MAGI1: variants seen among roughly 807,000 people sequenced by gnomAD.
MAGI1 encodes the protein membrane associated guanylate kinase, WW and PDZ domain containing 1.
MAGI1 carries 58 observed loss-of-function variants against 139.9 expected under a neutral mutation model. The observed-to-expected ratio is 0.41, with a 90% CI of 0.34 to 0.52. The LOEUF is 0.52. Ranked by LOEUF, MAGI1 falls within the 20% of genes least tolerant of loss-of-function variation. The probability of loss-of-function intolerance (pLI) is 0.12; values close to 1 mark genes in which losing one functional copy is unlikely to be tolerated. For synonymous variants in MAGI1, 812 were observed against 737.9 expected, an observed-to-expected ratio of 1.10 and a Z score of -1.63; for missense variants, 1,874 against 1,901.6, an observed-to-expected ratio of 0.99 and a Z score of 0.27.
intron 21 of MAGI1, among the ~76,000 whole-genome samples, chr3:65,362,768 T>C (rs531135114): frequency 6.6e-6 from 1 of 152,354 alleles, no homozygotes; most frequent in African/African-American, 2.4e-5. Flanking sequence ...TAAATGGCTC[T>C]CCATGGGCAA....
chr3:65,709,728 G>A (rs919935566), intron 1 of MAGI1, among the ~76,000 whole-genome samples: 45 of 152,294 alleles, frequency 3.0e-4, no homozygotes, highest in African/African-American at 1.0e-3. Flanking sequence ...AATATGAGAA[G>A]AGTGCTCATT....
intron 2 of MAGI1, among the ~76,000 whole-genome samples, chr3:65,552,261 T>G (rs760671256): frequency 6.7e-4 from 47 of 70,518 alleles, no homozygotes; most frequent in African/African-American, 2.0e-3. Context: ...TGTATAGGGG[T>G]GTGTGTGTGT....
chr3:65,664,435 A>G (rs972645402), intron 1 of MAGI1, among the ~76,000 whole-genome samples: 6 of 152,218 alleles, frequency 3.9e-5, no homozygotes, highest in Non-Finnish European at 8.8e-5. Context: ...TAACAACCCT[A>G]CAAGGTAGCT....
chr3:65,809,854 G>C (rs1217875368), intron 1 of MAGI1, among the ~76,000 whole-genome samples: 1 of 152,076 alleles, frequency 6.6e-6, no homozygotes, highest in East Asian at 1.9e-4. Flanking sequence ...CTCACAATCT[G>C]TCTTCAAAAT....
chr3:65,878,944 T>G (rs962020338), intron 1 of MAGI1, among the ~76,000 whole-genome samples: 4 of 152,164 alleles, frequency 2.6e-5, no homozygotes, highest in African/African-American at 7.2e-5. Flanking sequence ...TTCCTCCACA[T>G]CATTCAGCCC....
intron 1 of MAGI1, among the ~76,000 whole-genome samples, chr3:65,819,602 G>A (rs1480315938): frequency 6.6e-6 from 1 of 151,882 alleles, no homozygotes; most frequent in Non-Finnish European, 1.5e-5. Context: ...GTTGAGGCTG[G>A]GCACAGTTGC....
Position 65,869,470 on chromosome 3 carries a change from C to G in MAGI1, c.313+168526G>C, listed in dbSNP as rs549119428. 5.7e-4 allele frequency among the ~76,000 whole-genome samples: 86 copies of G among 150,230 alleles called. 1 individual carries two copies. Among genetic ancestry groups the G allele is most frequent in the African/African-American group, 2.1e-3 (84 of 40,870 alleles). Reference sequence around the variant, plus strand: ...GGTTGGAGTGCAGTGGCGTGATCTCCACTCACTGCAAGCTCCACCCCCCAG... The same window carrying G: ...GGTTGGAGTGCAGTGGCGTGATCTCGACTCACTGCAAGCTCCACCCCCCAG... On this transcript the variant is annotated intron_variant, in intron 1 of 22. Transcript: ENST00000402939.
chr3:65,447,443 C>T (rs1031476494), intron 7 of MAGI1, among the ~76,000 whole-genome samples: 2 of 152,192 alleles, frequency 1.3e-5, no homozygotes, highest in Admixed American at 6.5e-5. Context: ...ACAGATGCTG[C>T]ATCACTATAT....
intron 1 of MAGI1, among the ~76,000 whole-genome samples, chr3:65,708,706 GAA>G (rs1291065502): frequency 1.6e-5 from 2 of 124,064 alleles, no homozygotes; most frequent in Non-Finnish European, 3.6e-5. Flanking sequence ...AAAGAAGAGA[GAA>G]AGAAAACGGG....
At chr3:65,713,644 C>T (rs2031810853) in intron 1 of MAGI1, among the ~76,000 whole-genome samples, 1 of 152,066 alleles carries the variant, frequency 6.6e-6, no homozygotes, top group Non-Finnish European at 1.5e-5. Context: ...GCCAAAGAGA[C>T]CTCAGTTCAA....
chr3:65,499,421 G>A (rs563993812), intron 2 of MAGI1, among the ~76,000 whole-genome samples: 1 of 152,134 alleles, frequency 6.6e-6, no homozygotes, highest in African/African-American at 2.4e-5. Flanking sequence ...AGGCCGAGGT[G>A]GCCAGATCAC....
chr3:65,867,868 T>C (rs1238588305), intron 1 of MAGI1, among the ~76,000 whole-genome samples: 1 of 152,174 alleles, frequency 6.6e-6, no homozygotes, highest in Admixed American at 6.5e-5. Context: ...AATTCCACTC[T>C]GCACTGGAGA....
chr3:65,777,902 A>G (rs1205488883), intron 1 of MAGI1, among the ~76,000 whole-genome samples: 1 of 152,208 alleles, frequency 6.6e-6, no homozygotes, highest in African/African-American at 2.4e-5. Flanking sequence ...TGCAGTAAAC[A>G]ATCAATAATC....
chr3:65,833,232 C>T (rs537698703), intron 1 of MAGI1, among the ~76,000 whole-genome samples: 1 of 152,154 alleles, frequency 6.6e-6, no homozygotes, highest in East Asian at 1.9e-4. Context: ...GATTCTCCTA[C>T]CTAAACCTCC....
rs749775496 is a variant in MAGI1 at position 65,611,629 on chromosome 3, A to ATATATATACTATACTAGTATATACAG, written c.430+10342_430+10343insCTGTATATACTAGTATAGTATATATA. Among the ~76,000 whole-genome samples, 117 of 57,358 alleles carry ATATATATACTATACTAGTATATACAG rather than the reference A, an allele frequency of 2.0e-3. 1 individual carries two copies. The highest frequency in any genetic ancestry group is 5.9e-3 in the South Asian group (13 of 2,222). 37.6% of individuals were successfully genotyped at this position (57,358 alleles called of 152,430 possible). A position where few individuals can be genotyped will look rare whatever the true frequency, so the allele number is the denominator to read the frequency against. On this transcript the variant is annotated intron_variant, in intron 2 of 22. Coordinates refer to ENST00000402939, the MANE Select transcript of MAGI1 (RefSeq NM_001033057.2). ...TATATACTATACTAGTATATACAGT[A>ATATATATACTATACTAGTATATACAG]TATATATATACTAGTATTATATATA... is the stretch of plus-strand genomic sequence containing the variant.
At chr3:65,441,862 T>C (rs1342111064) in intron 8 of MAGI1, among the ~76,000 whole-genome samples, 2 of 152,322 alleles carry the variant, frequency 1.3e-5, no homozygotes, top group South Asian at 2.1e-4. Context: ...ATCTATTTTA[T>C]GGCCTGGCAC....
intron 3 of MAGI1, among the ~76,000 whole-genome samples, chr3:65,486,020 A>T (rs1210385731): frequency 6.6e-6 from 1 of 152,206 alleles, no homozygotes; most frequent in Non-Finnish European, 1.5e-5. Context: ...GTTTGCCAAC[A>T]GAGCTCATCA....
intron 3 of MAGI1, among the ~76,000 whole-genome samples, chr3:65,483,134 C>G (rs771174472): frequency 3.3e-5 from 5 of 152,204 alleles, no homozygotes; most frequent in African/African-American, 4.8e-5. Flanking sequence ...CACAGATTAG[C>G]CTTTGAGTGA....
intron 1 of MAGI1, among the ~76,000 whole-genome samples, chr3:65,981,494 T>C (rs984463328): frequency 6.6e-6 from 1 of 152,190 alleles, no homozygotes; most frequent in Non-Finnish European, 1.5e-5. Flanking sequence ...ATCTGTAAAA[T>C]TGAGATAATA....
Sources: gnomAD v4.1 joint callset for allele counts (sites outside exome capture counted in the v4.1 genomes callset) on GRCh38, gnomAD v4.1.1 for gene constraint, MANE v1.5 for transcripts, NCBI Gene and HGNC (gene_info 2026-07-23, HGNC 2026-07-21) for gene names.